Variants in FRMPD2 observed in about 807,000 individuals in gnomAD.
The protein encoded by FRMPD2 is FERM and PDZ domain containing 2.
In FRMPD2, 96 loss-of-function variants were observed where a neutral mutation model predicts 140.1. That is an observed-to-expected ratio of 0.69 (90% CI 0.58 to 0.81). The LOEUF (loss-of-function observed/expected upper bound fraction) is 0.81. Among genes scored for constraint, FRMPD2 ranks in the 40% least tolerant of loss-of-function variants. The pLI, the probability that FRMPD2 is intolerant of heterozygous loss-of-function variation, is 0.00. For synonymous variants in FRMPD2, 449 were observed against 547.6 expected, an observed-to-expected ratio of 0.82 and a Z score of 2.52; for missense variants, 1,240 against 1,447.4, an observed-to-expected ratio of 0.86 and a Z score of 2.32.
intron 1 of FRMPD2, among the ~76,000 whole-genome samples, chr10:48,255,130 C>T (rs1348073615): frequency 6.6e-6 from 1 of 152,130 alleles, no homozygotes; most frequent in Non-Finnish European, 1.5e-5. Context: ...TACACCTTCC[C>T]AGATCTCACC....
intron 24 of FRMPD2, among the ~76,000 whole-genome samples, chr10:48,174,329 G>T (rs1336554735): frequency 7.2e-6 from 1 of 138,830 alleles, no homozygotes; most frequent in Non-Finnish European, 1.7e-5. Context: ...AGGGAATAAA[G>T]GGGACATAAA....
At chr10:48,230,531 T>C (rs543805963) in intron 10 of FRMPD2, among the ~76,000 whole-genome samples, 1 of 152,376 alleles carries the variant, frequency 6.6e-6, no homozygotes, top group East Asian at 1.9e-4. Flanking sequence ...ACCACTATTC[T>C]TGATGCACTT....
At chr10:48,181,671 A>G (rs1053430343) in intron 20 of FRMPD2, among the ~76,000 whole-genome samples, 2 of 152,024 alleles carry the variant, frequency 1.3e-5, no homozygotes, top group South Asian at 2.1e-4. Context: ...GAATCAGTAG[A>G]AAAACCTTGG....
At chr10:48,211,292 G>T (rs184286732) in intron 13 of FRMPD2, among the ~76,000 whole-genome samples, 1 of 152,222 alleles carries the variant, frequency 6.6e-6, no homozygotes, top group Admixed American at 6.5e-5. Context: ...GTGAAGAGAC[G>T]GTGGGCCCAA....
chr10:48,273,253 C>A (rs537878545), intron 1 of FRMPD2, among the ~76,000 whole-genome samples: 2 of 152,284 alleles, frequency 1.3e-5, no homozygotes, highest in East Asian at 1.9e-4. Flanking sequence ...CAATCCCACA[C>A]CCATATTGCT....
chr10:48,212,938 C>T (rs1839363215), intron 12 of FRMPD2, among the ~76,000 whole-genome samples: 1 of 152,218 alleles, frequency 6.6e-6, no homozygotes, highest in Non-Finnish European at 1.5e-5. Context: ...GAAGCTGACC[C>T]TGCCTTTGTA....
chr10:48,218,446 T>C (rs7076472), intron 12 of FRMPD2, among the ~76,000 whole-genome samples: 72,713 of 152,066 alleles, frequency 0.48, 19,214 homozygotes, highest in African/African-American at 0.71. Context: ...GACTATTCAC[T>C]TTCTTTTTGA....
intron 7 of FRMPD2, 46 bp from the exon 8 acceptor site, chr10:48,238,169 G>A: frequency 6.3e-7 from 1 of 1,587,950 alleles, no homozygotes; most frequent in Non-Finnish European, 8.5e-7. Flanking sequence ...AATGGCAAGG[G>A]CTTCCATGGC....
chr10:48,225,622 G>A (rs1235455849), intron 10 of FRMPD2, among the ~76,000 whole-genome samples: 1 of 152,200 alleles, frequency 6.6e-6, no homozygotes, highest in East Asian at 1.9e-4. Flanking sequence ...GCATATCCCG[G>A]ATTGCAATCT....
chr10:48,204,415 A>G lies in FRMPD2; in HGVS notation c.1797+2333T>C, dbSNP rs371136577. 1.1e-4 allele frequency among the ~76,000 whole-genome samples: 17 copies of G among 152,328 alleles called. No individual in the cohort carries two copies. The East Asian group carries it at 1.5e-3, about 14-fold the overall frequency. Reference sequence around the variant, plus strand: ...GTTTCTGTGCAAAGCTGCGTGTTTCATGCATCCTATTAATCCTTTCAATAA... The same window carrying G: ...GTTTCTGTGCAAAGCTGCGTGTTTCGTGCATCCTATTAATCCTTTCAATAA... On this transcript the variant is annotated intron_variant, in intron 14 of 28. Transcript: ENST00000374201.
At chr10:48,220,021 A>G (rs1803409281) in intron 12 of FRMPD2, among the ~76,000 whole-genome samples, 2 of 152,338 alleles carry the variant, frequency 1.3e-5, no homozygotes, top group Middle Eastern at 3.4e-3. Context: ...TATCACACCA[A>G]CTTACAATGT....
intron 1 of FRMPD2, among the ~76,000 whole-genome samples, chr10:48,253,579 A>G (rs1729891943): frequency 6.6e-6 from 1 of 152,216 alleles, no homozygotes; most frequent in Admixed American, 6.5e-5. Flanking sequence ...ACTGTCAAAC[A>G]AGAATTTGGT....
At chr10:48,180,410 C>T (rs1173279707) in intron 21 of FRMPD2, among the ~76,000 whole-genome samples, 1 of 152,200 alleles carries the variant, frequency 6.6e-6, no homozygotes, top group African/African-American at 2.4e-5. Flanking sequence ...AGCAAAGCCA[C>T]TGAGTTCCCA....
At chr10:48,185,756 G>A (rs933180633) in intron 17 of FRMPD2, 111 bp from the exon 18 acceptor site, 11 of 775,686 alleles carry the variant, frequency 1.4e-5, no homozygotes, top group African/African-American at 8.5e-5. Context: ...ACATTCACAC[G>A]CACACAATCC....
At chr10:48,238,731 T>A (rs544067697) in intron 7 of FRMPD2, among the ~76,000 whole-genome samples, 1 of 152,162 alleles carries the variant, frequency 6.6e-6, no homozygotes, top group African/African-American at 2.4e-5. Flanking sequence ...TCCAGGAAGA[T>A]ATGAGCCCAT....
In FRMPD2 at chr10:48,164,106, A is replaced by G. The variant is rs1452348621; in HGVS notation, c.3538-435T>C. Among the ~76,000 whole-genome samples, 13 of 150,540 alleles carry G rather than the reference A, an allele frequency of 8.6e-5. 1 individual carries two copies. Among genetic ancestry groups the G allele is most frequent in the Non-Finnish European group, 1.3e-4 (9 of 67,728 alleles). ...GGGTCTCCTCCTCACTTTCCCAGAC[A>G]TGACTTGCTTCGTCTCAACTGCTCA... On this transcript the variant is annotated intron_variant, in intron 27 of 28. Transcript: ENST00000374201.
At chr10:48,248,864 C>T (rs1840312704) in intron 3 of FRMPD2, 157 bp downstream of exon 3, 1 of 537,700 alleles carries the variant, frequency 1.9e-6, no homozygotes, top group Non-Finnish European at 3.1e-6. Flanking sequence ...AAGTTGTTGA[C>T]AAGAAATCCT....
intron 10 of FRMPD2, among the ~76,000 whole-genome samples, chr10:48,227,648 G>A (rs900587796): frequency 6.6e-6 from 1 of 152,192 alleles, no homozygotes; most frequent in Non-Finnish European, 1.5e-5. Flanking sequence ...CACAATTGAA[G>A]TGGTTATACC....
At chr10:48,235,781 G>T (rs933500332) in intron 9 of FRMPD2, among the ~76,000 whole-genome samples, 1 of 152,184 alleles carries the variant, frequency 6.6e-6, no homozygotes, top group African/African-American at 2.4e-5. Context: ...ACAGAGATAT[G>T]GGCCTGAACA....
Sources: gnomAD v4.1 joint callset for allele counts (sites outside exome capture counted in the v4.1 genomes callset) on GRCh38, gnomAD v4.1.1 for gene constraint, MANE v1.5 for transcripts, NCBI Gene and HGNC (gene_info 2026-07-23, HGNC 2026-07-21) for gene names.